The following SETX variants were observed in gnomAD, a reference collection of about 807,000 sequenced individuals.
SETX encodes helicase senataxin.
A neutral mutation model predicts 227.2 loss-of-function variants in SETX; 90 were observed. The observed-to-expected ratio is 0.40, with a 90% confidence interval of 0.33 to 0.47. SETX has a LOEUF of 0.47. Ranked by LOEUF, SETX falls within the 20% of genes least tolerant of loss-of-function variation. The pLI, the probability that SETX is intolerant of heterozygous loss-of-function variation, is 0.91. For synonymous variants in SETX, 1,210 were observed against 1,113.2 expected (o/e 1.09, Z -1.73); for missense variants, 3,052 against 3,181.5 (o/e 0.96, Z 0.98).
intron 4 of SETX, among the ~76,000 whole-genome samples, chr9:132,344,034 T>C (rs1848149168): frequency 6.6e-6 from 1 of 152,114 alleles, no homozygotes; most frequent in Non-Finnish European, 1.5e-5. Flanking sequence ...GGTTCCAGGA[T>C]ACCAAAATCC....
At position 132,331,672 on chromosome 9, in the gene SETX, TA is replaced by T. The variant is rs200362840; in HGVS notation, c.839-225del. Among the ~76,000 whole-genome samples the T allele has an allele frequency of 3.1e-3, 437 of 140,582 alleles. No individual in the cohort carries two copies. The highest frequency in any genetic ancestry group is 3.4e-3 in the African/African-American group (130 of 38,624). 92.2% of individuals were successfully genotyped at this position (140,582 alleles called of 152,430 possible). Reference sequence around the variant, plus strand: ...TGCAAGCAATACTATGATACGTCTGTAAAAAAAAAAAAAAATTTAGTGGCAA... The same window carrying T: ...TGCAAGCAATACTATGATACGTCTGTAAAAAAAAAAAAAATTTAGTGGCAA... On this transcript the variant is annotated intron_variant, in intron 7 of 25. Transcript: ENST00000224140.
At chr9:132,286,676 G>A (rs1843919551) in intron 17 of SETX, among the ~76,000 whole-genome samples, 182 bp from the exon 18 acceptor site, 1 of 152,200 alleles carries the variant, frequency 6.6e-6, no homozygotes, top group Non-Finnish European at 1.5e-5. Context: ...GTAAGACTCA[G>A]CTGTGTTCTG....
At chr9:132,273,270 C>T (rs1348482896) in intron 23 of SETX, among the ~76,000 whole-genome samples, 2 of 152,172 alleles carry the variant, frequency 1.3e-5, no homozygotes, top group Middle Eastern at 6.8e-3. Flanking sequence ...TCAAGTGATT[C>T]TCCTGCCTCA....
At chr9:132,321,960 T>C (rs1480447064) in intron 10 of SETX, among the ~76,000 whole-genome samples, 1 of 152,192 alleles carries the variant, frequency 6.6e-6, no homozygotes, top group East Asian at 1.9e-4. Context: ...TCAGAGCTTC[T>C]GGTGTTTTCA....
intron 14 of SETX, among the ~76,000 whole-genome samples, 166 bp downstream of exon 14, chr9:132,296,721 C>T: frequency 6.6e-6 from 1 of 152,078 alleles, no homozygotes; most frequent in East Asian, 1.9e-4. Context: ...CCATAACCTT[C>T]CCTCCCTCTG....
At chr9:132,342,622 C>T (rs2131540267) in intron 5 of SETX, 68 bp downstream of exon 5, 10 of 1,121,834 alleles carry the variant, frequency 8.9e-6, no homozygotes, top group South Asian at 7.4e-5. Context: ...CACCAAAAAC[C>T]GCTATTATAG....
intron 10 of SETX, among the ~76,000 whole-genome samples, chr9:132,314,114 C>G (rs972680547): frequency 1.3e-5 from 2 of 151,662 alleles, no homozygotes; most frequent in Non-Finnish European, 2.9e-5. Context: ...TTTTTGGAGA[C>G]AGAGTTTCGG....
chr9:132,328,443 G>A lies in SETX; in HGVS notation c.3155C>T (p.Thr1052Ile). ...ATTCTTTTCCTCCTTACTATTAACTGTTGAAACGTGCTGCTCTGGATGTTC... is the reference window on the plus strand; with the variant it reads ...ATTCTTTTCCTCCTTACTATTAACTATTGAAACGTGCTGCTCTGGATGTTC... ...EREHPEQHVS[T>I]VNSKEEKNPV... The change falls in exon 10 of 26, where the codon ACA becomes ATA. Residue 1052 changes from threonine (T) to isoleucine (I), a missense_variant. Around this residue, in one of 10 missense-constraint regions of SETX, gnomAD observed 1,483 missense variants for 1,312.0 expected, o/e 1.13. Coordinates refer to ENST00000224140, the MANE Select transcript of SETX (RefSeq NM_015046.7). The A allele has an allele frequency of 6.2e-7, 1 of 1,613,642 alleles. No homozygotes were observed. The highest frequency in any genetic ancestry group is 8.5e-7 in the Non-Finnish European group (1 of 1,179,946).
chr9:132,355,824 T>A (rs1848880819), upstream of SETX, among the ~76,000 whole-genome samples: 1 of 151,942 alleles, frequency 6.6e-6, no homozygotes, highest in South Asian at 2.1e-4. Context: ...CCGTCTCTAC[T>A]AAAAATAAAA....
chr9:132,323,560 C>A (rs1247633012), intron 10 of SETX, among the ~76,000 whole-genome samples: 2 of 152,016 alleles, frequency 1.3e-5, no homozygotes, highest in African/African-American at 4.8e-5. Context: ...ACAGAAACGC[C>A]TAAAACTGAA....
chr9:132,325,350 G>T (rs994168651), intron 10 of SETX, among the ~76,000 whole-genome samples: 1 of 151,304 alleles, frequency 6.6e-6, no homozygotes, highest in African/African-American at 2.4e-5. Context: ...AGCGAGACTC[G>T]TCTCAAAAAA....
At chr9:132,342,130 A>G (rs1848011761) in intron 5 of SETX, among the ~76,000 whole-genome samples, 1 of 152,112 alleles carries the variant, frequency 6.6e-6, no homozygotes, top group Non-Finnish European at 1.5e-5. Flanking sequence ...TCTAGGTGGC[A>G]TTAGGCATGA....
rs117455907 is a variant in SETX, at chr9:132,321,095, C to G, written c.5274+5229G>C. Among the ~76,000 whole-genome samples, 3 of 152,200 alleles carry G rather than the reference C, an allele frequency of 2.0e-5. No individual in the cohort carries two copies. In the South Asian group the frequency reaches 6.2e-4, roughly 32 times the overall value. ...GTTTACACACTGAATGCTCCAACAC[C>G]TCTCCTCCGTCCCCCACTCCTACCC... On this transcript the variant is annotated intron_variant, in intron 10 of 25. Transcript: ENST00000224140.
intron 2 of SETX, among the ~76,000 whole-genome samples, chr9:132,350,312 T>C (rs997820534): frequency 3.9e-5 from 6 of 152,156 alleles, no homozygotes; most frequent in South Asian, 2.1e-4. Context: ...ATTGCGCCAC[T>C]GCACTCCAGC....
rs1160416026 is a variant in SETX, at chr9:132,277,124, C to G, written c.6871G>C (p.Asp2291His). Residue 2291 changes from aspartate to histidine, a missense_variant, in exon 22 of 26, where the codon GAT (aspartate) becomes CAT (histidine). Coordinates refer to ENST00000224140, the MANE Select transcript of SETX (RefSeq NM_015046.7). ...ACAAGGTATGGCTGAAATGGCCAAT[C>G]TGATGAACATCGAATGGCTTCTGTC... ...RQTEAIRCSS[D>H]WPFQPYLVFD... is the part of the protein sequence containing the mutation. 1 of 1,613,108 alleles carries G rather than the reference C, an allele frequency of 6.2e-7. No individual in the cohort carries two copies. The highest frequency in any genetic ancestry group is 8.5e-7 in the Non-Finnish European group (1 of 1,179,892).
At chr9:132,338,882 T>C (rs1172434002) in intron 5 of SETX, among the ~76,000 whole-genome samples, 1 of 152,082 alleles carries the variant, frequency 6.6e-6, no homozygotes, top group Non-Finnish European at 1.5e-5. Context: ...CTTAGCCTCC[T>C]GAGTAGCTAG....
chr9:132,282,045 C>T (rs1243626266), intron 19 of SETX, among the ~76,000 whole-genome samples: 1 of 144,684 alleles, frequency 6.9e-6, no homozygotes, highest in African/African-American at 2.6e-5. Flanking sequence ...AAAAGCAAGA[C>T]TCCGTCTCAA....
upstream of SETX, among the ~76,000 whole-genome samples, chr9:132,356,239 G>T (rs569354279): frequency 6.5e-4 from 99 of 152,158 alleles, no homozygotes; most frequent in African/African-American, 2.4e-3. Flanking sequence ...GTCGCGCTCT[G>T]TCACCCAAGC....
intron 3 of SETX, among the ~76,000 whole-genome samples, chr9:132,348,412 C>A (rs1848431035): frequency 6.7e-6 from 1 of 150,154 alleles, no homozygotes; most frequent in South Asian, 2.1e-4. Flanking sequence ...AAAACCCAGG[C>A]CATTCAGATA....
Sources: gnomAD v4.1 joint callset for allele counts (sites outside exome capture counted in the v4.1 genomes callset) on GRCh38, gnomAD v4.1.1 for gene constraint, gnomAD v4.1.1 regional missense constraint, MANE v1.5 for transcripts, NCBI Gene and HGNC (gene_info 2026-07-23, HGNC 2026-07-21) for gene names.